KCNK7: variants seen among roughly 807,000 people sequenced by gnomAD.
KCNK7 encodes the protein potassium channel subfamily K member 7.
In KCNK7, 14 loss-of-function variants were observed where a neutral mutation model predicts 18.1. The observed-to-expected ratio is 0.77, with a 90% CI of 0.51 to 1.21. The LOEUF (loss-of-function observed/expected upper bound fraction) is 1.21, where lower values mean the gene tolerates loss of function less well. Among genes scored for constraint, KCNK7 ranks in the 50% most tolerant of loss-of-function variants. The pLI, the probability that KCNK7 is intolerant of heterozygous loss-of-function variation, is 0.00. For synonymous variants in KCNK7, 188 were observed against 184.7 expected, an observed-to-expected ratio of 1.02 and a Z score of -0.15; for missense variants, 385 against 387.3, an observed-to-expected ratio of 0.99 and a Z score of 0.05.
chr11:65,593,900 G>A (rs764975514), intron 1 of KCNK7, 26 bp from the exon 2 acceptor site: 3 of 1,508,454 alleles, frequency 2.0e-6, no homozygotes, highest in Non-Finnish European at 2.6e-6. Context: ...TCAGTGGACA[G>A]TGAGAGCTCT....
Position 65,592,988 on chromosome 11 carries a change from C to G in KCNK7, c.*17G>C. The G allele has an allele frequency of 6.2e-7, 1 of 1,610,146 alleles. No individual in the cohort carries two copies. The highest frequency in any genetic ancestry group is 1.1e-5 in the South Asian group (1 of 90,844). On this transcript the variant is annotated 3_prime_UTR_variant, in exon 3 of 3. Coordinates refer to ENST00000340313, the MANE Select transcript of KCNK7 (RefSeq NM_033347.2). ...GGTGCCGCCACCTTACGGAGCTGAA[C>G]TCGGTCACCTGACGCTTCAGCAAGC...
rs930261467 is a variant in KCNK7, at chr11:65,592,944, C to G, written c.*61G>C. 5 of 1,559,612 alleles carry G rather than the reference C, an allele frequency of 3.2e-6. No individual in the cohort carries two copies. The African/African-American group carries it at 4.1e-5, about 13-fold the overall frequency. On this transcript the variant is annotated 3_prime_UTR_variant, in exon 3 of 3. Coordinates refer to ENST00000340313, the MANE Select transcript of KCNK7 (RefSeq NM_033347.2). ...ATCTCCAGATTCTTCCCCAGCCACT[C>G]CTGGCTGCTTCCTCCTCAGGTGCCG...
intron 1 of KCNK7, 117 bp from the exon 2 acceptor site, chr11:65,593,991 CCAG>C: frequency 7.2e-6 from 8 of 1,110,084 alleles, no homozygotes; most frequent in East Asian, 2.7e-5. Flanking sequence ...CTTGAACTGG[CCAG>C]GCCCAGGTTC....
At chr11:65,593,279 G>A (rs1291892443) in intron 2 of KCNK7, 69 bp from the exon 3 acceptor site, 5 of 1,613,466 alleles carry the variant, frequency 3.1e-6, no homozygotes, top group Non-Finnish European at 4.2e-6. Context: ...TCCCAGCGCA[G>A]TGACTTGCCC....
rs367893606 is a variant in KCNK7, at chr11:65,593,661, A to T, written c.533T>A (p.Val178Glu). The T allele has an allele frequency of 1.9e-6, 3 of 1,604,784 alleles. No homozygotes were observed. The African/African-American group carries it at 4.0e-5, about 21-fold the overall frequency. The change falls in exon 2 of 3, where the codon GTG (valine) becomes GAG (glutamate). Residue 178 changes from valine (V) to glutamate (E), a missense_variant. By Grantham distance (121) the Val-to-Glu change is moderately radical. Coordinates refer to ENST00000340313, the MANE Select transcript of KCNK7 (RefSeq NM_033347.2). ...LLQAVALGLL[V>E]ASSFVLLPAL... Reference sequence around the variant, plus strand: ...TGGCAGCAGCACAAAGCTGCTGGCCACCAGCAGTCCCAGTGCAACTGCCTG... The same window carrying T: ...TGGCAGCAGCACAAAGCTGCTGGCCTCCAGCAGTCCCAGTGCAACTGCCTG...
At chr11:65,594,752 C>T (rs1184379108) in intron 1 of KCNK7, among the ~76,000 whole-genome samples, 1 of 152,046 alleles carries the variant, frequency 6.6e-6, no homozygotes, top group Admixed American at 6.6e-5. Flanking sequence ...TGCCTGTAGT[C>T]CCAGCTACTC....
intron 1 of KCNK7, 34 bp from the exon 2 acceptor site, chr11:65,593,908 T>C: frequency 6.7e-7 from 1 of 1,503,248 alleles, no homozygotes; most frequent in Non-Finnish European, 8.8e-7. Flanking sequence ...CAGTGAGAGC[T>C]CTGAGTGCCA....
At position 65,593,003 on chromosome 11, in the gene KCNK7, CTTCAGCAAGCAGG is replaced by C; in HGVS notation, c.913_*1del. The C allele has an allele frequency of 6.2e-7, 1 of 1,612,558 alleles. No homozygotes were observed. Among genetic ancestry groups the C allele is most frequent in the Non-Finnish European group, 8.5e-7 (1 of 1,179,704 alleles). On this transcript the variant is annotated stop_lost and 3_prime_UTR_variant, in exon 3 of 3. Transcript: ENST00000340313. The stretch of plus-strand genomic sequence containing the variant: ...CGGAGCTGAACTCGGTCACCTGACG[CTTCAGCAAGCAGG>C]GGCTTGTCCTGAAGCTGGGGCCGCG...
rs1403954900 is a variant in KCNK7, at chr11:65,593,473, T to TA, written c.718+2dup. The TA allele has an allele frequency of 6.2e-7, 1 of 1,613,642 alleles. No individual in the cohort carries two copies. The highest frequency in any genetic ancestry group is 8.5e-7 in the Non-Finnish European group (1 of 1,180,004). ...CCACACGCTGTTAGGTGGCTGGACT[T>TA]ACCAAGAAGTGCGAGCTGGCCCAGG... On this transcript the variant is annotated splice_region_variant and intron_variant, in intron 2 of 2. Coordinates refer to ENST00000340313, the MANE Select transcript of KCNK7 (RefSeq NM_033347.2).
rs1181036404 is a variant in KCNK7, at chr11:65,593,041, G to A, written c.888C>T (p.Pro296=). 1.7e-5 allele frequency: 27 copies of A among 1,613,510 alleles called. No homozygotes were observed. Among genetic ancestry groups the A allele is most frequent in the African/African-American group, 2.7e-5 (2 of 75,068 alleles). ...QDELALSTLP[P]AAPASGQAPA... ...GGGCTTGTCCTGAAGCTGGGGCCGC[G>A]GGCGGCAGGGTGCTCAGAGCCAGTT... The change falls in exon 3 of 3, where the codon CCC becomes CCT. Residue 296 remains proline, a synonymous_variant. Transcript: ENST00000340313.
rs1401889123 is a variant in KCNK7 at position 65,593,786 on chromosome 11, G to A, written c.408C>T (p.Leu136=). The change falls in exon 2 of 3, where the codon CTC becomes CTT. Residue 136 remains leucine (L), a synonymous_variant. Transcript: ENST00000340313. ...GCAGGCAATGGCGCAGGGTGGCCAC[G>A]AGAGCTAAGGAGGCTGGCAGCCCCA... ...AALGLPASLA[L]VATLRHCLLP... The A allele has an allele frequency of 1.9e-6, 3 of 1,607,844 alleles. No individual in the cohort carries two copies. The highest frequency in any genetic ancestry group is 1.7e-6 in the Non-Finnish European group (2 of 1,176,778).
Position 65,592,948 on chromosome 11 carries a change from GC to G in KCNK7, c.*56del. ...CCAGATTCTTCCCCAGCCACTCCTG[GC>G]TGCTTCCTCCTCAGGTGCCGCCACC... On this transcript the variant is annotated 3_prime_UTR_variant, in exon 3 of 3. Transcript: ENST00000340313. 2 of 1,566,868 alleles carry G rather than the reference GC, an allele frequency of 1.3e-6. No individual in the cohort carries two copies. The highest frequency in any genetic ancestry group is 8.6e-7 in the Non-Finnish European group (1 of 1,157,526).
At chr11:65,594,941 C>A (rs922882903) in intron 1 of KCNK7, among the ~76,000 whole-genome samples, 1 of 152,178 alleles carries the variant, frequency 6.6e-6, no homozygotes, top group Admixed American at 6.5e-5. Context: ...GCAAAAAATA[C>A]GAAAACCCAG....
intron 1 of KCNK7, among the ~76,000 whole-genome samples, chr11:65,594,739 G>A (rs1854318307): frequency 6.6e-6 from 1 of 152,018 alleles, no homozygotes; most frequent in Non-Finnish European, 1.5e-5. Context: ...GCATGGTGGT[G>A]CATGCCTGTA....
At chr11:65,593,261 C>T (rs368034960) in intron 2 of KCNK7, 51 bp from the exon 3 acceptor site, 126 of 1,613,110 alleles carry the variant, frequency 7.8e-5, no homozygotes, top group Non-Finnish European at 9.7e-5. Flanking sequence ...TGATGCTCCC[C>T]GCCCACCTCC....
rs374103247 is a variant in KCNK7, at chr11:65,593,484, G to A, written c.710C>T (p.Ala237Val). The A allele has an allele frequency of 6.2e-7, 1 of 1,613,758 alleles. No homozygotes were observed. Among genetic ancestry groups the A allele is most frequent in the Non-Finnish European group, 8.5e-7 (1 of 1,179,998 alleles). ...TAGGTGGCTGGACTTACCAAGAAGT[G>A]CGAGCTGGCCCAGGTGGTAAATCAC... ...HPVIYHLGQL[A>V]LLGYLLLGLL... Residue 237 changes from alanine to valine, a missense_variant, in exon 2 of 3, where the codon GCA becomes GTA. Coordinates refer to ENST00000340313, the MANE Select transcript of KCNK7 (RefSeq NM_033347.2).
In KCNK7 at chr11:65,594,405, C is replaced by T. The variant is rs150300743; in HGVS notation, c.320-531G>A. ...GGATCAGCTAATACAGAGCTGCAAA[C>T]GCACATGCCTACCGGAGCCAGATGG... On this transcript the variant is annotated intron_variant, in intron 1 of 2. Transcript: ENST00000340313. 5.8e-3 allele frequency among the ~76,000 whole-genome samples: 887 copies of T among 152,310 alleles called. 26 individuals are homozygous for T. The highest frequency in any genetic ancestry group is 8.2e-4 in the Non-Finnish European group (56 of 68,030).
chr11:65,594,202 G>C (rs1854301778), intron 1 of KCNK7, among the ~76,000 whole-genome samples: 1 of 152,228 alleles, frequency 6.6e-6, no homozygotes, highest in Non-Finnish European at 1.5e-5. Context: ...TTCCCCAAAT[G>C]TGTGTCATGT....
chr11:65,593,909 C>CG (rs1854288850), intron 1 of KCNK7, 35 bp from the exon 2 acceptor site: 1 of 1,503,006 alleles, frequency 6.7e-7, no homozygotes, highest in South Asian at 1.3e-5. Flanking sequence ...AGTGAGAGCT[C>CG]TGAGTGCCAT....
Sources: gnomAD v4.1 joint callset for allele counts (sites outside exome capture counted in the v4.1 genomes callset) on GRCh38, gnomAD v4.1.1 for gene constraint, MANE v1.5 for transcripts, NCBI Gene and HGNC (gene_info 2026-07-23, HGNC 2026-07-21) for gene names.